The following MARCHF1 variants were observed in gnomAD, a reference collection of about 807,000 sequenced individuals.
The protein encoded by MARCHF1 is E3 ubiquitin-protein ligase MARCHF1.
MARCHF1 carries 40 observed loss-of-function variants against 54.2 expected under a neutral mutation model. The ratio of observed to expected loss-of-function variants is 0.74; its 90% CI spans 0.57 to 0.96. The LOEUF is 0.96. Among genes scored for constraint, MARCHF1 ranks in the 40% least tolerant of loss-of-function variants. The probability of loss-of-function intolerance (pLI) is 0.00; values close to 1 mark genes in which losing one functional copy is unlikely to be tolerated. For synonymous variants in MARCHF1, 236 were observed against 236.3 expected (o/e 1.00, Z 0.01); for missense variants, 586 against 656.5 (o/e 0.89, Z 1.17).
chr4:163,713,939 A>C (rs1276304147), intron 4 of MARCHF1, among the ~76,000 whole-genome samples: 1 of 152,214 alleles, frequency 6.6e-6, no homozygotes, highest in Non-Finnish European at 1.5e-5. Context: ...GAAGACATGA[A>C]AGAACAAACA....
At chr4:164,059,900 C>T (rs1393293115) in intron 2 of MARCHF1, among the ~76,000 whole-genome samples, 1 of 151,966 alleles carries the variant, frequency 6.6e-6, no homozygotes, top group Admixed American at 6.6e-5. Flanking sequence ...TTTTTGCAAA[C>T]CATTTGTAGT....
intron 1 of MARCHF1, among the ~76,000 whole-genome samples, chr4:164,134,978 A>T (rs1756372187): frequency 6.6e-6 from 1 of 152,170 alleles, no homozygotes; most frequent in Admixed American, 6.5e-5. Flanking sequence ...TATCCATGAT[A>T]CTTCCTTCAC....
At position 163,898,585 on chromosome 4, in the gene MARCHF1, C is replaced by T. The variant is rs566065283; in HGVS notation, c.-38-44416G>A. 5.3e-5 allele frequency among the ~76,000 whole-genome samples: 8 copies of T among 152,178 alleles called. No homozygotes were observed. The East Asian group carries it at 5.8e-4, about 11-fold the overall frequency. ...AGGGAATGCTTAAATACTGTTGGTG[C>T]GAGTGTAAATTAGTTCAACCTCTCT... On this transcript the variant is annotated intron_variant, in intron 3 of 9. Transcript: ENST00000514618.
intron 5 of MARCHF1, among the ~76,000 whole-genome samples, chr4:163,665,282 C>T (rs537993473): frequency 3.9e-5 from 6 of 151,980 alleles, no homozygotes; most frequent in East Asian, 1.9e-4. Context: ...TTTTTAATTG[C>T]GTAAAAGGTT....
rs550851530 is a variant in MARCHF1, at chr4:163,820,014, T to TA, written c.111+34006dup. On this transcript the variant is annotated intron_variant, in intron 4 of 9. Transcript: ENST00000514618. ...AAAACAAACCTAAATCAATAATTTT[T>TA]AAAAAATACCGATCCTGTGTTCTCC... Among the ~76,000 whole-genome samples the TA allele has an allele frequency of 4.5e-4, 68 of 152,248 alleles. 1 individual carries two copies. In the South Asian group the frequency reaches 0.014, roughly 31 times the overall value.
intron 2 of MARCHF1, among the ~76,000 whole-genome samples, chr4:164,097,621 A>G (rs192177331): frequency 4.7e-5 from 7 of 149,074 alleles, no homozygotes; most frequent in East Asian, 1.9e-4. Context: ...GTATTTAAGT[A>G]TATGTATTAA....
chr4:163,545,823 C>A, intron 8 of MARCHF1, 80 bp from the exon 9 acceptor site: 1 of 1,212,368 alleles, frequency 8.2e-7, no homozygotes, highest in South Asian at 1.3e-5. Flanking sequence ...AGACACAGAT[C>A]ATGAATGGAA....
chr4:164,072,507 G>A (rs1754889569), intron 2 of MARCHF1, among the ~76,000 whole-genome samples: 1 of 152,048 alleles, frequency 6.6e-6, no homozygotes, highest in Non-Finnish European at 1.5e-5. Context: ...GCTGCAGTGA[G>A]CCAGGATTAT....
rs573497784 is a variant in MARCHF1 at position 164,301,437 on chromosome 4, A to C, written c.-323+82433T>G. 2.0e-5 allele frequency among the ~76,000 whole-genome samples: 3 copies of C among 152,356 alleles called. 1 individual carries two copies. The South Asian group carries it at 6.2e-4, about 32-fold the overall frequency. On this transcript the variant is annotated intron_variant, in intron 1 of 9. Transcript: ENST00000514618. The stretch of plus-strand genomic sequence containing the variant: ...AATTGTAAGGCTGTCTTAAGAAGGC[A>C]GGTCTGGATCTAAACACACTGAATT...
chr4:163,689,509 A>G (rs13139224), intron 5 of MARCHF1, among the ~76,000 whole-genome samples: 11,504 of 152,272 alleles, frequency 0.076, 644 homozygotes, highest in East Asian at 0.19. Context: ...GGCCAGCAAA[A>G]TTGAAGAACT....
chr4:164,087,913 T>C (rs1042882370), intron 2 of MARCHF1, among the ~76,000 whole-genome samples: 1 of 152,124 alleles, frequency 6.6e-6, no homozygotes, highest in Non-Finnish European at 1.5e-5. Context: ...ACTTCAATAA[T>C]TTCAGAGTTG....
chr4:163,710,793 G>A (rs1408496515), intron 4 of MARCHF1, among the ~76,000 whole-genome samples: 1 of 152,122 alleles, frequency 6.6e-6, no homozygotes, highest in East Asian at 1.9e-4. Context: ...TGAAAGGATG[G>A]AAAATAAGGG....
chr4:164,139,265 C>T (rs948082184), intron 1 of MARCHF1, among the ~76,000 whole-genome samples: 4 of 152,040 alleles, frequency 2.6e-5, no homozygotes, highest in African/African-American at 7.2e-5. Context: ...TTGAAGGACA[C>T]CAGTAAAGTG....
chr4:163,978,433 A>C (rs1172574652), intron 3 of MARCHF1, among the ~76,000 whole-genome samples: 1 of 152,186 alleles, frequency 6.6e-6, no homozygotes, highest in Non-Finnish European at 1.5e-5. Flanking sequence ...TGTTTATTTT[A>C]TCCGAGTAAA....
At chr4:163,909,330 A>G (rs1408411803) in intron 3 of MARCHF1, among the ~76,000 whole-genome samples, 1 of 152,136 alleles carries the variant, frequency 6.6e-6, no homozygotes, top group African/African-American at 2.4e-5. Flanking sequence ...GAAGCTTACC[A>G]TTGTCTTTCA....
intron 1 of MARCHF1, among the ~76,000 whole-genome samples, chr4:164,132,465 C>T (rs1366215828): frequency 6.6e-6 from 1 of 152,112 alleles, no homozygotes; most frequent in Non-Finnish European, 1.5e-5. Flanking sequence ...AGGTGATTTT[C>T]TTCATATTGC....
chr4:163,968,847 T>C (rs761467332), intron 3 of MARCHF1, among the ~76,000 whole-genome samples: 4 of 152,158 alleles, frequency 2.6e-5, no homozygotes, highest in Non-Finnish European at 5.9e-5. Context: ...GTAGACTTCC[T>C]GGCTCAGAAA....
Position 164,027,362 on chromosome 4 carries a change from TAAAAAAAAAAAA to T in MARCHF1, c.-247-38665_-247-38654del, listed in dbSNP as rs59453843. 2.1e-3 allele frequency among the ~76,000 whole-genome samples: 23 copies of T among 10,778 alleles called. 1 individual carries two copies. Among genetic ancestry groups the T allele is most frequent in the East Asian group, 3.4e-3 (1 of 296 alleles). 7.1% of individuals were successfully genotyped at this position (10,778 alleles called of 152,430 possible). Reference sequence around the variant, plus strand: ...TAGTACCAAAACAGCATGGTACAGGTAAAAAAAAAAAAAAAAAAAAAAAAAAAAAAAGATACA... The same window carrying T: ...TAGTACCAAAACAGCATGGTACAGGTAAAAAAAAAAAAAAAAAAAGATACA... On this transcript the variant is annotated intron_variant, in intron 2 of 9. Coordinates refer to ENST00000514618, the MANE Select transcript of MARCHF1 (RefSeq NM_001394959.1).
chr4:164,156,420 G>GT (rs71600679), intron 1 of MARCHF1, among the ~76,000 whole-genome samples: 30,129 of 151,828 alleles, frequency 0.2, 3,368 homozygotes, highest in Non-Finnish European at 0.26. Flanking sequence ...AAATTCTTGT[G>GT]TTTTTTTAAT....
Sources: gnomAD v4.1 joint callset for allele counts (sites outside exome capture counted in the v4.1 genomes callset) on GRCh38, gnomAD v4.1.1 for gene constraint, MANE v1.5 for transcripts, NCBI Gene and HGNC (gene_info 2026-07-23, HGNC 2026-07-21) for gene names.